The following RALYL variants were observed in gnomAD, a reference collection of about 807,000 sequenced individuals.
RALYL encodes RNA-binding Raly-like protein.
In RALYL, 29 loss-of-function variants were observed where a neutral mutation model predicts 35.1. That is an observed-to-expected ratio of 0.83 (90% CI 0.61 to 1.13). The LOEUF (loss-of-function observed/expected upper bound fraction) is 1.13, where lower values mean the gene tolerates loss of function less well. Among genes scored for constraint, RALYL ranks in the 50% most tolerant of loss-of-function variants. The pLI, the probability that RALYL is intolerant of heterozygous loss-of-function variation, is 0.00. For synonymous variants in RALYL, 120 were observed against 127.6 expected (o/e 0.94, Z 0.40); for missense variants, 359 against 360.4 (o/e 1.00, Z 0.03).
At chr8:84,482,582 T>C (rs2133907752) in intron 1 of RALYL, among the ~76,000 whole-genome samples, 1 of 152,172 alleles carries the variant, frequency 6.6e-6, no homozygotes, top group African/African-American at 2.4e-5. Context: ...AAAATGGTCA[T>C]GAAAAGAGAC....
At chr8:84,301,500 C>A (rs1304774617) in intron 1 of RALYL, among the ~76,000 whole-genome samples, 1 of 151,986 alleles carries the variant, frequency 6.6e-6, no homozygotes, top group Non-Finnish European at 1.5e-5. Flanking sequence ...TGCTTTCTCT[C>A]CCATTTCTTA....
At chr8:84,641,480 G>C (rs1826314185) in intron 2 of RALYL, among the ~76,000 whole-genome samples, 1 of 151,518 alleles carries the variant, frequency 6.6e-6, no homozygotes, top group Admixed American at 6.6e-5. Flanking sequence ...CATCCAAGGA[G>C]CACTTATTAT....
At chr8:84,425,456 C>T (rs1396368130) in intron 1 of RALYL, among the ~76,000 whole-genome samples, 1 of 152,180 alleles carries the variant, frequency 6.6e-6, no homozygotes, top group Admixed American at 6.5e-5. Context: ...GTCTGGCACT[C>T]CCTAGTGAGA....
intron 2 of RALYL, among the ~76,000 whole-genome samples, chr8:84,705,517 A>T (rs1841045381): frequency 6.6e-6 from 1 of 152,234 alleles, no homozygotes; most frequent in African/African-American, 2.4e-5. Context: ...TGCTTTAATA[A>T]TTGAACATAC....
intron 2 of RALYL, among the ~76,000 whole-genome samples, chr8:84,750,643 C>T (rs925668981): frequency 3.3e-5 from 5 of 152,060 alleles, no homozygotes; most frequent in East Asian, 1.9e-4. Context: ...CTAATTTATT[C>T]GTAGATTAAT....
chr8:84,314,017 C>T (rs1843286984), intron 1 of RALYL, among the ~76,000 whole-genome samples: 1 of 152,142 alleles, frequency 6.6e-6, no homozygotes. Flanking sequence ...TTAATTGCCT[C>T]ACAGTTCTGC....
At chr8:84,801,646 T>C (rs540797411) in intron 3 of RALYL, among the ~76,000 whole-genome samples, 3 of 152,334 alleles carry the variant, frequency 2.0e-5, no homozygotes, top group Admixed American at 6.5e-5. Context: ...TATTCTGGTA[T>C]AGATATATAA....
At chr8:84,704,106 C>T (rs1339895423) in intron 2 of RALYL, among the ~76,000 whole-genome samples, 1 of 152,140 alleles carries the variant, frequency 6.6e-6, no homozygotes, top group African/African-American at 2.4e-5. Context: ...ATTGTATGGA[C>T]TTTATCATTG....
intron 1 of RALYL, among the ~76,000 whole-genome samples, chr8:84,469,807 A>T (rs560546992): frequency 1.3e-5 from 2 of 150,724 alleles, no homozygotes; most frequent in South Asian, 4.2e-4. Context: ...TGGGCATAGG[A>T]CCCTCCGAGC....
At chr8:84,904,475 A>C (rs377227686) in intron 8 of RALYL, among the ~76,000 whole-genome samples, 7 of 152,216 alleles carry the variant, frequency 4.6e-5, no homozygotes, top group African/African-American at 1.7e-4. Flanking sequence ...ATGTAAATAT[A>C]AGAGAACCAA....
chr8:84,847,770 C>T (rs1262995415), intron 4 of RALYL, among the ~76,000 whole-genome samples: 4 of 152,196 alleles, frequency 2.6e-5, no homozygotes, highest in African/African-American at 7.2e-5. Flanking sequence ...CAGCATTGCT[C>T]TAGCCATACA....
At chr8:84,866,643 T>G (rs1458057250) in intron 6 of RALYL, among the ~76,000 whole-genome samples, 1 of 152,078 alleles carries the variant, frequency 6.6e-6, no homozygotes, top group Non-Finnish European at 1.5e-5. Flanking sequence ...GTTCTGAGGA[T>G]TGAATGAGCC....
intron 2 of RALYL, among the ~76,000 whole-genome samples, chr8:84,562,628 A>G (rs758001672): frequency 5.3e-5 from 8 of 151,748 alleles, no homozygotes; most frequent in Non-Finnish European, 1.0e-4. Flanking sequence ...ATTCACTAAT[A>G]TAGCTACTTG....
chr8:84,665,379 A>C (rs1269686579), intron 2 of RALYL, among the ~76,000 whole-genome samples: 27 of 151,926 alleles, frequency 1.8e-4, no homozygotes, highest in Admixed American at 1.8e-3. Flanking sequence ...TTTTGGAATA[A>C]TTTCAGTAGG....
At chr8:84,210,414 A>G (rs1013920103) in intron 1 of RALYL, among the ~76,000 whole-genome samples, 3 of 151,656 alleles carry the variant, frequency 2.0e-5, no homozygotes, top group African/African-American at 7.3e-5. Flanking sequence ...TCACCACAGG[A>G]CCAGTAGTGC....
intron 1 of RALYL, among the ~76,000 whole-genome samples, chr8:84,329,750 A>G (rs543485011): frequency 9.2e-5 from 14 of 152,180 alleles, no homozygotes; most frequent in Non-Finnish European, 1.9e-4. Flanking sequence ...TTCTATTAGA[A>G]CTTCTATATT....
At chr8:84,299,350 T>G (rs1001785849) in intron 1 of RALYL, among the ~76,000 whole-genome samples, 1 of 152,096 alleles carries the variant, frequency 6.6e-6, no homozygotes, top group African/African-American at 2.4e-5. Context: ...CTTTTTGATG[T>G]GCTGCTGGAT....
At chr8:84,774,311 G>T (rs1022131055) in intron 2 of RALYL, among the ~76,000 whole-genome samples, 2 of 152,168 alleles carry the variant, frequency 1.3e-5, no homozygotes, top group Non-Finnish European at 2.9e-5. Flanking sequence ...ATGGTATATA[G>T]TTTTTAATTA....
intron 1 of RALYL, among the ~76,000 whole-genome samples, chr8:84,408,964 C>A (rs1033868282): frequency 6.6e-6 from 1 of 151,768 alleles, no homozygotes; most frequent in African/African-American, 2.4e-5. Context: ...ATAGTATCAC[C>A]CTTAAATGCT....
Sources: gnomAD v4.1 joint callset for allele counts (sites outside exome capture counted in the v4.1 genomes callset) on GRCh38, gnomAD v4.1.1 for gene constraint, MANE v1.5 for transcripts, NCBI Gene and HGNC (gene_info 2026-07-23, HGNC 2026-07-21) for gene names.